Variants in TMEM38B observed in about 807,000 individuals in gnomAD.
The protein encoded by TMEM38B is trimeric intracellular cation channel type B.
Under a neutral mutation model 28.7 loss-of-function variants are expected in TMEM38B, and 24 were observed. The observed-to-expected ratio is 0.84, with a 90% CI of 0.61 to 1.18. TMEM38B has a LOEUF of 1.18. Ranked by LOEUF, TMEM38B falls within the 50% of genes most tolerant of loss-of-function variation. The pLI, the probability that TMEM38B is intolerant of heterozygous loss-of-function variation, is 0.00. For missense variants in TMEM38B, 380 were observed against 350.9 expected (o/e 1.08, Z -0.66); for synonymous variants, 131 against 127.7 (o/e 1.03, Z -0.17).
rs1836323813 is a variant in TMEM38B at position 105,721,622 on chromosome 9, G to A, written c.355G>A (p.Glu119Lys). Reference sequence around the variant, plus strand: ...TCAACTACTGGCTTCGGGAATGAAGGAAGTGACCAGAACTTGGAAAATAGT... The same window carrying A: ...TCAACTACTGGCTTCGGGAATGAAGAAAGTGACCAGAACTTGGAAAATAGT... ...PVQLLASGMK[E>K]VTRTWKIVGG... Residue 119 changes from glutamate (E) to lysine (K), a missense_variant, in exon 3 of 6, where the codon GAA (glutamate) becomes AAA (lysine). Transcript: ENST00000374692. The A allele has an allele frequency of 1.9e-6, 3 of 1,613,614 alleles. No individual in the cohort carries two copies. Among genetic ancestry groups the A allele is most frequent in the Non-Finnish European group, 2.5e-6 (3 of 1,179,660 alleles).
chr9:105,701,473 A>G (rs1451798186), intron 1 of TMEM38B: 1 of 152,220 alleles, frequency 6.6e-6, no homozygotes, highest in Admixed American at 6.5e-5. Flanking sequence ...TTTTTTGCAA[A>G]TTAATAGGAA....
At chr9:105,757,429 G>A (rs1428108444) in intron 5 of TMEM38B, among the ~76,000 whole-genome samples, 1 of 152,134 alleles carries the variant, frequency 6.6e-6, no homozygotes, top group African/African-American at 2.4e-5. Flanking sequence ...ATACCCAGTT[G>A]TGGGATTACT....
chr9:105,752,236 T>C (rs192992039), intron 5 of TMEM38B, among the ~76,000 whole-genome samples: 388 of 152,200 alleles, frequency 2.5e-3, no homozygotes, highest in African/African-American at 9.0e-3. Flanking sequence ...AGTTGACTCA[T>C]CCATTCTAGG....
intron 2 of TMEM38B, among the ~76,000 whole-genome samples, chr9:105,713,944 A>G (rs749434795): frequency 2.0e-5 from 3 of 152,164 alleles, no homozygotes; most frequent in African/African-American, 4.8e-5. Flanking sequence ...AGAGCTGTAG[A>G]CATGGGGATG....
intron 4 of TMEM38B, among the ~76,000 whole-genome samples, chr9:105,722,925 C>T (rs1342625104): frequency 2.0e-5 from 3 of 151,974 alleles, no homozygotes; most frequent in Non-Finnish European, 4.4e-5. Flanking sequence ...GTGAAAGCTA[C>T]GTAGGAATAG....
At chr9:105,724,077 C>A (rs866457264) in intron 4 of TMEM38B, among the ~76,000 whole-genome samples, 1 of 151,932 alleles carries the variant, frequency 6.6e-6, no homozygotes, top group Admixed American at 6.6e-5. Flanking sequence ...CTCAGGTGAT[C>A]CACCCACCTT....
At position 105,775,632 on chromosome 9, in the gene TMEM38B, C is replaced by CT. The variant is rs898322345; in HGVS notation, c.*1555dup. 5 of 151,908 alleles carry CT rather than the reference C, an allele frequency of 3.3e-5. No individual in the cohort carries two copies. The allele number at this position is 151,908 out of a possible 1,614,324, so 9.4% of individuals were successfully genotyped here. A position where few individuals can be genotyped will look rare whatever the true frequency, so the allele number is the denominator to read the frequency against. On this transcript the variant is annotated 3_prime_UTR_variant, in exon 6 of 6. Coordinates refer to ENST00000374692, the MANE Select transcript of TMEM38B (RefSeq NM_018112.3). ...TTATTTTTAATATTGTGACAGAAAG[C>CT]TTTAAGTATTTAAGAGCTCTGTATT...
In TMEM38B at chr9:105,694,557, C is replaced by A; in HGVS notation, c.-104C>A. 3.9e-6 allele frequency: 3 copies of A among 772,994 alleles called. No homozygotes were observed. Among genetic ancestry groups the A allele is most frequent in the Middle Eastern group, 4.0e-4 (1 of 2,508 alleles). 47.9% of individuals were successfully genotyped at this position (772,994 alleles called of 1,614,324 possible). On this transcript the variant is annotated 5_prime_UTR_variant, in exon 1 of 6. Transcript: ENST00000374692. ...CGCACGCGCGGAGCTGGAGCCGGCG[C>A]GGAGGAGCGGGCGGCCGCGGCTGTG...
chr9:105,765,853 G>A (rs1002389740), intron 5 of TMEM38B, among the ~76,000 whole-genome samples: 45 of 151,958 alleles, frequency 3.0e-4, no homozygotes, highest in African/African-American at 1.1e-3. Context: ...CCAGGCTGGA[G>A]TGCAGTGGTG....
At chr9:105,756,249 C>G (rs1837828524) in intron 5 of TMEM38B, among the ~76,000 whole-genome samples, 1 of 152,208 alleles carries the variant, frequency 6.6e-6, no homozygotes, top group African/African-American at 2.4e-5. Flanking sequence ...TTACTCTTTA[C>G]TTTTCAATCT....
chr9:105,773,959 C>T lies in TMEM38B; in HGVS notation c.755C>T (p.Ser252Leu). 1 of 1,613,780 alleles carries T rather than the reference C, an allele frequency of 6.2e-7. No individual in the cohort carries two copies. The highest frequency in any genetic ancestry group is 8.5e-7 in the Non-Finnish European group (1 of 1,179,794). Residue 252 changes from serine to leucine, a missense_variant, in exon 6 of 6, where the codon TCA (serine) becomes TTA (leucine). Transcript: ENST00000374692. ...WMLFGWQQPF[S>L]SCEKKSEAKS... is the part of the protein sequence containing the mutation. The stretch of plus-strand genomic sequence containing the variant: ...CTATTTGGCTGGCAGCAGCCGTTTT[C>T]ATCATGTGAGAAGAAAAGTGAAGCA...
At chr9:105,733,660 T>G (rs1393603243) in intron 4 of TMEM38B, among the ~76,000 whole-genome samples, 1 of 152,090 alleles carries the variant, frequency 6.6e-6, no homozygotes, top group Admixed American at 6.6e-5. Context: ...GTTATTGACC[T>G]GTGCAGGCTT....
At chr9:105,722,173 G>T (rs1459791695) in intron 3 of TMEM38B, among the ~76,000 whole-genome samples, 1 of 151,758 alleles carries the variant, frequency 6.6e-6, no homozygotes, top group Admixed American at 6.6e-5. Context: ...TTTTTGTTTT[G>T]CATGTAGGAA....
At chr9:105,770,868 T>G (rs1291135609) in intron 5 of TMEM38B, among the ~76,000 whole-genome samples, 1 of 152,188 alleles carries the variant, frequency 6.6e-6, no homozygotes, top group Non-Finnish European at 1.5e-5. Context: ...ATAGATATAT[T>G]TCAGTATGCT....
Position 105,744,213 on chromosome 9 carries a change from TAGA to T in TMEM38B, c.543-3855_543-3853del, listed in dbSNP as rs1837305448. Among the ~76,000 whole-genome samples, 4 of 151,980 alleles carry T rather than the reference TAGA, an allele frequency of 2.6e-5. No homozygotes were observed. The South Asian group carries it at 6.2e-4, about 24-fold the overall frequency. ...AAATTAACAAGAAAAATATAAACAA[TAGA>T]AGAATGGATGAAGGCTGTGAACAAT... is the stretch of plus-strand genomic sequence containing the variant. On this transcript the variant is annotated intron_variant, in intron 4 of 5. Transcript: ENST00000374692.
intron 5 of TMEM38B, among the ~76,000 whole-genome samples, chr9:105,753,228 G>A (rs1050250366): frequency 1.3e-5 from 2 of 152,172 alleles, no homozygotes; most frequent in African/African-American, 2.4e-5. Context: ...ATGGAACCAA[G>A]TTGGAAAACA....
At position 105,774,109 on chromosome 9, in the gene TMEM38B, A is replaced by G. The variant is rs1826651729; in HGVS notation, c.*29A>G. The G allele has an allele frequency of 6.3e-7, 1 of 1,599,328 alleles. No individual in the cohort carries two copies. The highest frequency in any genetic ancestry group is 1.7e-5 in the Admixed American group (1 of 57,984). On this transcript the variant is annotated 3_prime_UTR_variant, in exon 6 of 6. Transcript: ENST00000374692. ...TACGTGATGAGCTCTACAAGGCCAAAAATTTTTTTTCTTATCTACCTGTTA... is the reference window on the plus strand; with the variant it reads ...TACGTGATGAGCTCTACAAGGCCAAGAATTTTTTTTCTTATCTACCTGTTA...
intron 5 of TMEM38B, among the ~76,000 whole-genome samples, chr9:105,768,274 T>TA (rs889157080): frequency 2.0e-5 from 3 of 152,290 alleles, no homozygotes; most frequent in African/African-American, 7.2e-5. Context: ...ATTCCTGTGA[T>TA]AAACCCCATT....
At chr9:105,765,363 G>T (rs552324904) in intron 5 of TMEM38B, among the ~76,000 whole-genome samples, 1 of 152,258 alleles carries the variant, frequency 6.6e-6, no homozygotes, top group Admixed American at 6.5e-5. Context: ...CTATATTCAT[G>T]GATAATAAAG....
Sources: allele counts gnomAD v4.1 joint callset (sites outside exome capture counted in the v4.1 genomes callset), GRCh38; gene constraint gnomAD v4.1.1; transcripts MANE v1.5; gene names NCBI Gene and HGNC (gene_info 2026-07-23, HGNC 2026-07-21).